TENM4: variants seen among roughly 807,000 people sequenced by gnomAD.
The protein encoded by TENM4 is teneurin-4.
A neutral mutation model predicts 243.3 loss-of-function variants in TENM4; 82 were observed. The ratio of observed to expected loss-of-function variants is 0.34; its 90% CI spans 0.28 to 0.40. The LOEUF is 0.40. Ranked by LOEUF, TENM4 falls within the 10% of genes least tolerant of loss-of-function variation. The probability of loss-of-function intolerance (pLI) is 1.00; values close to 1 mark genes in which losing one functional copy is unlikely to be tolerated. For missense variants in TENM4, 3,138 were observed against 3,673.3 expected (o/e 0.85, Z 3.77); for synonymous variants, 1,412 against 1,456.3 (o/e 0.97, Z 0.69).
chr11:79,006,218 C>T (rs546548604), intron 6 of TENM4, among the ~76,000 whole-genome samples: 1 of 152,056 alleles, frequency 6.6e-6, no homozygotes, highest in Non-Finnish European at 1.5e-5. Flanking sequence ...CCCTTTCTAC[C>T]CCCTACTCAG....
At chr11:78,902,028 T>G (rs1855939083) in intron 7 of TENM4, among the ~76,000 whole-genome samples, 1 of 152,236 alleles carries the variant, frequency 6.6e-6, no homozygotes, top group African/African-American at 2.4e-5. Flanking sequence ...AGGTTAATTT[T>G]ACTTCCTTAA....
At chr11:79,434,507 A>T (rs1434757108) in intron 1 of TENM4, among the ~76,000 whole-genome samples, 1 of 152,232 alleles carries the variant, frequency 6.6e-6, no homozygotes, top group Non-Finnish European at 1.5e-5. Flanking sequence ...ACGCTGAGGA[A>T]CATATTTACA....
Position 78,726,106 on chromosome 11 carries a change from T to C in TENM4, c.3523A>G (p.Lys1175Glu), listed in dbSNP as rs1303057454. 1 of 1,613,904 alleles carries C rather than the reference T, an allele frequency of 6.2e-7. No individual in the cohort carries two copies. The highest frequency in any genetic ancestry group is 8.5e-7 in the Non-Finnish European group (1 of 1,179,900). ...CTTTGAATGTTGAGGGCATGATGTT[T>C]GTCTAGGCTCCATCCTCCAAGCTTG... ...ASKLGGWSLD[K>E]HHALNIQSGI... The change falls in exon 23 of 34, where the codon AAA becomes GAA. Residue 1175 changes from lysine to glutamate, a missense_variant. Transcript: ENST00000278550.
At chr11:78,975,262 A>G (rs908251818) in intron 6 of TENM4, among the ~76,000 whole-genome samples, 2 of 151,900 alleles carry the variant, frequency 1.3e-5, no homozygotes, top group African/African-American at 4.8e-5. Context: ...AGATTGTTCT[A>G]ACCTTGCCCA....
intron 3 of TENM4, among the ~76,000 whole-genome samples, chr11:79,198,415 C>A (rs760906480): frequency 1.3e-5 from 2 of 152,212 alleles, no homozygotes; most frequent in African/African-American, 4.8e-5. Flanking sequence ...GCTTTCAACA[C>A]TCGCCAGGTG....
At chr11:79,164,957 ATGTGTGTGTGTGTGTG>A (rs369197845) in intron 3 of TENM4, among the ~76,000 whole-genome samples, 1 of 139,862 alleles carries the variant, frequency 7.1e-6, no homozygotes, top group African/African-American at 2.6e-5. Flanking sequence ...CTATATATAT[ATGTGTGTGTGTGTGTG>A]TGTGTGTGTG....
At chr11:79,384,172 A>G (rs1858062029) in intron 1 of TENM4, among the ~76,000 whole-genome samples, 1 of 152,246 alleles carries the variant, frequency 6.6e-6, no homozygotes, top group Non-Finnish European at 1.5e-5. Flanking sequence ...GGAGGAATGA[A>G]TAGAAACTGA....
chr11:79,296,369 A>G (rs568910263), intron 2 of TENM4, among the ~76,000 whole-genome samples: 1 of 152,282 alleles, frequency 6.6e-6, no homozygotes, highest in Non-Finnish European at 1.5e-5. Context: ...ATTCTCTCTG[A>G]TATGCTAAAT....
chr11:79,348,461 C>T (rs535484783), intron 1 of TENM4, among the ~76,000 whole-genome samples: 22 of 152,346 alleles, frequency 1.4e-4, no homozygotes, highest in African/African-American at 4.8e-4. Flanking sequence ...GGTTCTATCA[C>T]TTGCTAGCTA....
intron 6 of TENM4, among the ~76,000 whole-genome samples, chr11:78,933,327 G>T (rs146347648): frequency 4.6e-5 from 7 of 152,116 alleles, no homozygotes; most frequent in African/African-American, 1.7e-4. Context: ...CTCAGGAAAC[G>T]GCAGCAATAA....
chr11:79,304,701 C>T (rs1856599534), intron 1 of TENM4, among the ~76,000 whole-genome samples: 1 of 152,200 alleles, frequency 6.6e-6, no homozygotes, highest in Non-Finnish European at 1.5e-5. Flanking sequence ...CCTACCGTGG[C>T]TTAGTGGGGC....
intron 12 of TENM4, among the ~76,000 whole-genome samples, chr11:78,830,316 G>A (rs1857950409): frequency 6.6e-6 from 1 of 152,144 alleles, no homozygotes; most frequent in South Asian, 2.1e-4. Context: ...TCTGATGACT[G>A]GGCCTGATCC....
intron 3 of TENM4, among the ~76,000 whole-genome samples, chr11:79,203,990 G>C (rs1863797819): frequency 6.6e-6 from 1 of 152,226 alleles, no homozygotes; most frequent in Admixed American, 6.5e-5. Context: ...CATGTTGTAT[G>C]ATTTCATTTA....
chr11:78,911,120 T>C (rs965959875), intron 6 of TENM4, among the ~76,000 whole-genome samples: 20 of 152,320 alleles, frequency 1.3e-4, no homozygotes, highest in African/African-American at 4.6e-4. Context: ...AAAAGCCTCA[T>C]TGTATGATGC....
chr11:78,871,253 C>T (rs1217809869), intron 9 of TENM4, among the ~76,000 whole-genome samples: 1 of 152,176 alleles, frequency 6.6e-6, no homozygotes, highest in South Asian at 2.1e-4. Flanking sequence ...TAATACCTAG[C>T]TTTGAGAGTT....
chr11:79,403,151 G>A (rs1253740008), intron 1 of TENM4, among the ~76,000 whole-genome samples: 2 of 152,150 alleles, frequency 1.3e-5, no homozygotes, highest in Non-Finnish European at 2.9e-5. Context: ...TGGCCCTTTA[G>A]TGAAGGAATT....
intron 30 of TENM4, 46 bp from the exon 31 acceptor site, chr11:78,672,375 A>G: frequency 6.3e-7 from 1 of 1,574,862 alleles, no homozygotes. Flanking sequence ...CTGGACCATG[A>G]GAACTTTGGT....
intron 6 of TENM4, among the ~76,000 whole-genome samples, chr11:78,954,687 T>C (rs1351696951): frequency 6.6e-6 from 1 of 152,138 alleles, no homozygotes; most frequent in Non-Finnish European, 1.5e-5. Context: ...ATATGGCAAG[T>C]GGAATGCAGC....
In TENM4 at chr11:79,167,201, C is replaced by T. The variant is rs757876412; in HGVS notation, c.-162-18395G>A. 1.3e-4 allele frequency among the ~76,000 whole-genome samples: 20 copies of T among 152,274 alleles called. No homozygotes were observed. The East Asian group carries it at 1.4e-3, about 10-fold the overall frequency. On this transcript the variant is annotated intron_variant, in intron 3 of 33. Coordinates refer to ENST00000278550, the MANE Select transcript of TENM4 (RefSeq NM_001098816.3). The stretch of plus-strand genomic sequence containing the variant: ...ATACTTAGCATTTTCTGCCTGGTTG[C>T]GAGGTGGCTGCCACACCTCCAAGCA...
Sources: allele counts gnomAD v4.1 joint callset (sites outside exome capture counted in the v4.1 genomes callset), GRCh38; gene constraint gnomAD v4.1.1; transcripts MANE v1.5; gene names NCBI Gene and HGNC (gene_info 2026-07-23, HGNC 2026-07-21).